OPCML: variants seen among roughly 807,000 people sequenced by gnomAD.
The protein encoded by OPCML is opioid-binding protein/cell adhesion molecule.
In OPCML, 13 loss-of-function variants were observed where a neutral mutation model predicts 37.8. The ratio of observed to expected loss-of-function variants is 0.34; its 90% CI spans 0.22 to 0.55. OPCML has a LOEUF of 0.55. Among genes scored for constraint, OPCML ranks in the 20% least tolerant of loss-of-function variants. The probability of loss-of-function intolerance (pLI) is 0.91; values close to 1 mark genes in which losing one functional copy is unlikely to be tolerated. For missense variants in OPCML, 341 were observed against 435.6 expected (o/e 0.78, Z 1.93); for synonymous variants, 176 against 168.8 (o/e 1.04, Z -0.33).
intron 3 of OPCML, among the ~76,000 whole-genome samples, chr11:132,653,148 C>A (rs113632098): frequency 1.6e-3 from 238 of 152,260 alleles, no homozygotes; most frequent in African/African-American, 5.5e-3. Flanking sequence ...CCTCGTAAGC[C>A]CAAAGCTGTT....
intron 1 of OPCML, among the ~76,000 whole-genome samples, chr11:133,084,712 C>T (rs1224081262): frequency 6.6e-6 from 1 of 152,188 alleles, no homozygotes; most frequent in African/African-American, 2.4e-5. Flanking sequence ...ATGGGGTCTC[C>T]ATGTCCTTCT....
intron 1 of OPCML, among the ~76,000 whole-genome samples, chr11:133,207,169 G>A (rs1412384848): frequency 4.0e-5 from 6 of 151,636 alleles, no homozygotes; most frequent in East Asian, 1.9e-4. Context: ...GTGTGGTGGC[G>A]GGCACCTGTT....
chr11:133,081,865 C>T (rs1948723047), intron 1 of OPCML, among the ~76,000 whole-genome samples: 1 of 152,038 alleles, frequency 6.6e-6, no homozygotes, highest in African/African-American at 2.4e-5. Context: ...ACAGCCCCCA[C>T]CCTTCTCAGC....
At chr11:132,608,713 T>A (rs1260618056) in intron 3 of OPCML, among the ~76,000 whole-genome samples, 1 of 152,150 alleles carries the variant, frequency 6.6e-6, no homozygotes, top group Non-Finnish European at 1.5e-5. Flanking sequence ...CCTTTACCAG[T>A]GGGTATACTC....
chr11:133,059,696 A>T (rs1591961880), intron 1 of OPCML, among the ~76,000 whole-genome samples: 1 of 152,186 alleles, frequency 6.6e-6, no homozygotes, highest in South Asian at 2.1e-4. Flanking sequence ...AAGTAGTATG[A>T]TTGTCTCAAG....
rs549987721 is a variant in OPCML, at chr11:132,895,961, G to A, written c.146+46965C>T. ...TTATACAAGCAGAAGTCTGGGGAAT[G>A]CTTGTGGGAATGCATACTGAGAGTG... On this transcript the variant is annotated intron_variant, in intron 2 of 7. Transcript: ENST00000524381. Among the ~76,000 whole-genome samples the A allele has an allele frequency of 2.6e-5, 4 of 152,288 alleles. No individual in the cohort carries two copies. In the South Asian group the frequency reaches 8.3e-4, roughly 32 times the overall value.
chr11:133,069,509 T>C (rs940507639), intron 1 of OPCML, among the ~76,000 whole-genome samples: 2 of 152,122 alleles, frequency 1.3e-5, no homozygotes, highest in Non-Finnish European at 2.9e-5. Context: ...TTTGTGTGTG[T>C]TCGAACCTGA....
intron 4 of OPCML, among the ~76,000 whole-genome samples, chr11:132,481,612 A>G (rs2096180748): frequency 3.3e-5 from 5 of 151,542 alleles, no homozygotes; most frequent in Admixed American, 3.3e-4. Context: ...TCAACAGAAT[A>G]TACATTTTTT....
At chr11:133,421,412 G>A (rs1280457598) in intron 1 of OPCML, 134 of 985,312 alleles carry the variant, frequency 1.4e-4, no homozygotes, top group Non-Finnish European at 1.5e-4. Flanking sequence ...CAGGCATTTC[G>A]TTGTGTATGT....
Position 132,415,658 on chromosome 11 carries a change from T to G in OPCML, c.*4535A>C, listed in dbSNP as rs1452535606. The G allele has an allele frequency of 6.6e-6, 1 of 152,338 alleles. No homozygotes were observed. The highest frequency in any genetic ancestry group is 1.5e-5 in the Non-Finnish European group (1 of 68,032). The allele number at this position is 152,338 out of a possible 1,614,324, so 9.4% of individuals were successfully genotyped here. On this transcript the variant is annotated 3_prime_UTR_variant, in exon 8 of 8. Coordinates refer to ENST00000524381, the MANE Select transcript of OPCML (RefSeq NM_001012393.5). The stretch of plus-strand genomic sequence containing the variant: ...GGAATCTCTTTCAAAATGCTGGAAA[T>G]TAGGCTTAGCTCACTACTTTCAGGA...
At chr11:132,422,549 C>T (rs1022942261) in intron 7 of OPCML, among the ~76,000 whole-genome samples, 9 of 152,134 alleles carry the variant, frequency 5.9e-5, no homozygotes, top group Non-Finnish European at 1.5e-5. Flanking sequence ...CTGCTTAGGG[C>T]AATGATGACA....
chr11:132,551,676 C>A (rs4400825), intron 3 of OPCML, among the ~76,000 whole-genome samples: 1 of 152,042 alleles, frequency 6.6e-6, no homozygotes, highest in Non-Finnish European at 1.5e-5. Context: ...ACTGACTCAG[C>A]GCAAGAAGAC....
chr11:133,057,545 G>A (rs543253202), intron 1 of OPCML, among the ~76,000 whole-genome samples: 1 of 152,284 alleles, frequency 6.6e-6, no homozygotes, highest in Non-Finnish European at 1.5e-5. Context: ...GACATGGGAG[G>A]TGGAGGACAG....
chr11:133,398,844 C>T (rs186396703), intron 1 of OPCML, among the ~76,000 whole-genome samples: 2 of 152,004 alleles, frequency 1.3e-5, no homozygotes, highest in African/African-American at 4.8e-5. Context: ...TCCCATGCCT[C>T]ACCAAACCTA....
chr11:132,962,526 G>C (rs1166240167), intron 1 of OPCML, among the ~76,000 whole-genome samples: 1 of 152,264 alleles, frequency 6.6e-6, no homozygotes, highest in Non-Finnish European at 1.5e-5. Context: ...TGAGAGAACA[G>C]AAATTGTGGA....
At chr11:133,168,710 C>A (rs1239174709) in intron 1 of OPCML, among the ~76,000 whole-genome samples, 12 of 152,158 alleles carry the variant, frequency 7.9e-5, no homozygotes, top group Admixed American at 7.9e-4. Flanking sequence ...AGTATGCAAA[C>A]AAAAGCTAGA....
At chr11:132,659,408 C>T (rs1941855070) in intron 2 of OPCML, among the ~76,000 whole-genome samples, 1 of 152,144 alleles carries the variant, frequency 6.6e-6, no homozygotes, top group South Asian at 2.1e-4. Flanking sequence ...AGAGCTCCTC[C>T]TAAAGAAAGT....
chr11:133,314,696 G>A (rs563947949), intron 1 of OPCML, among the ~76,000 whole-genome samples: 2 of 152,214 alleles, frequency 1.3e-5, no homozygotes, highest in East Asian at 1.9e-4. Context: ...AGCAGCCCTC[G>A]ACTCAATGGT....
intron 1 of OPCML, among the ~76,000 whole-genome samples, chr11:133,281,588 A>G (rs536004779): frequency 6.6e-6 from 1 of 152,158 alleles, no homozygotes; most frequent in East Asian, 1.9e-4. Flanking sequence ...ATTGGTACCA[A>G]GGAGTGGGGT....
Sources: allele counts gnomAD v4.1 joint callset (sites outside exome capture counted in the v4.1 genomes callset), GRCh38; gene constraint gnomAD v4.1.1; transcripts MANE v1.5; gene names NCBI Gene and HGNC (gene_info 2026-07-23, HGNC 2026-07-21).